The following EDA variants were observed in gnomAD, a reference collection of about 807,000 sequenced individuals.
EDA encodes the protein ectodysplasin A.
A neutral mutation model predicts 23.6 loss-of-function variants in EDA; 2 were observed. That is an observed-to-expected ratio of 0.08 (90% CI 0.03 to 0.27). The LOEUF is 0.27. EDA is among the 10% of genes least tolerant of loss of function. The pLI, the probability that EDA is intolerant of heterozygous loss-of-function variation, is 1.00. For missense variants in EDA, 229 were observed against 324.2 expected, an observed-to-expected ratio of 0.71 and a Z score of 2.26; for synonymous variants, 131 against 132.0, an observed-to-expected ratio of 0.99 and a Z score of 0.05.
At chrX:69,838,687 C>T (rs751074463) in intron 1 of EDA, among the ~76,000 whole-genome samples, 4 of 112,625 alleles carry the variant, frequency 3.6e-5, no homozygotes, top group Non-Finnish European at 5.6e-5. Context: ...GGTCCTGCTA[C>T]AGCACATTTC....
intron 6 of EDA, among the ~76,000 whole-genome samples, chrX:70,031,890 A>G (rs770279278): frequency 8.9e-6 from 1 of 112,452 alleles, no homozygotes; most frequent in African/African-American, 3.2e-5. Flanking sequence ...TCCCACTGCC[A>G]CATAATAAGA....
At chrX:69,746,311 A>C (rs1009759581) in intron 1 of EDA, among the ~76,000 whole-genome samples, 1 of 111,684 alleles carries the variant, frequency 9.0e-6, no homozygotes, top group Non-Finnish European at 1.9e-5. Flanking sequence ...CCATTAGTGA[A>C]ATCATACTCA....
intron 1 of EDA, among the ~76,000 whole-genome samples, chrX:69,844,933 A>AAGACCC (rs1222625055): frequency 2.6e-4 from 29 of 112,059 alleles, no homozygotes; most frequent in African/African-American, 8.4e-4. Flanking sequence ...CTTAAATTTG[A>AAGACCC]TTCTTGTGGA....
intron 1 of EDA, among the ~76,000 whole-genome samples, chrX:69,832,818 A>T (rs1414957225): frequency 1.8e-5 from 2 of 111,500 alleles, no homozygotes; most frequent in Non-Finnish European, 3.8e-5. Flanking sequence ...ATGGGAATTC[A>T]TTCATGATTT....
chrX:69,843,655 C>A (rs1356241245), intron 1 of EDA, among the ~76,000 whole-genome samples: 2 of 110,803 alleles, frequency 1.8e-5, no homozygotes, highest in African/African-American at 6.6e-5. Context: ...GTAAGACTTG[C>A]CCTACTTACT....
chrX:69,937,042 C>T (rs1602547881), intron 1 of EDA: 2 of 448,352 alleles, frequency 4.5e-6, no homozygotes, highest in Non-Finnish European at 7.7e-6. Context: ...TAAAATGGGC[C>T]ATGAAAGGGC....
At chrX:69,695,372 TATG>T (rs1283274465) in intron 1 of EDA, among the ~76,000 whole-genome samples, 2 of 110,896 alleles carry the variant, frequency 1.8e-5, no homozygotes, top group Non-Finnish European at 1.9e-5. Flanking sequence ...TTGGTCAAAA[TATG>T]ATAAGTGACT....
At chrX:69,750,829 A>T (rs959770537) in intron 1 of EDA, among the ~76,000 whole-genome samples, 3 of 111,695 alleles carry the variant, frequency 2.7e-5, no homozygotes, top group African/African-American at 9.8e-5. Flanking sequence ...TTCTTTTGAG[A>T]AGTGTCTGTT....
chrX:69,695,089 G>A (rs889307901), intron 1 of EDA, among the ~76,000 whole-genome samples: 44 of 111,877 alleles, frequency 3.9e-4, no homozygotes, highest in African/African-American at 1.4e-3. Flanking sequence ...GGAGGCCAAG[G>A]CAGGTGGATT....
intron 1 of EDA, among the ~76,000 whole-genome samples, chrX:69,951,380 A>G (rs2018924243): frequency 9.0e-6 from 1 of 110,877 alleles, no homozygotes; most frequent in Admixed American, 9.6e-5. Context: ...CAGAACTGTG[A>G]GAAAATAAAT....
At chrX:70,011,495 T>C (rs1393945169) in intron 2 of EDA, among the ~76,000 whole-genome samples, 4 of 110,833 alleles carry the variant, frequency 3.6e-5, no homozygotes, top group African/African-American at 1.3e-4. Flanking sequence ...CATGCCTGGC[T>C]AATTTTTGTA....
chrX:69,626,341 A>G (rs1473452863), intron 1 of EDA, among the ~76,000 whole-genome samples: 2 of 112,226 alleles, frequency 1.8e-5, no homozygotes, highest in East Asian at 5.6e-4. Context: ...ATGTTCACAC[A>G]AAAGCCTCTA....
chrX:70,033,192 G>T (rs2020222376), intron 6 of EDA, among the ~76,000 whole-genome samples: 1 of 112,967 alleles, frequency 8.9e-6, no homozygotes, highest in Non-Finnish European at 1.9e-5. Flanking sequence ...GACAGGCAGA[G>T]CCCAGGAGCC....
intron 1 of EDA, among the ~76,000 whole-genome samples, chrX:69,792,161 T>C (rs1319052112): frequency 8.1e-5 from 9 of 111,254 alleles, no homozygotes; most frequent in Non-Finnish European, 1.3e-4. Context: ...ATCATTCTTA[T>C]GCCTTTGCCT....
chrX:69,681,228 G>C (rs1287374720), intron 1 of EDA, among the ~76,000 whole-genome samples: 1 of 110,611 alleles, frequency 9.0e-6, no homozygotes, highest in Non-Finnish European at 1.9e-5. Flanking sequence ...AGGGTAACCC[G>C]ACCTTTCTCT....
At chrX:69,750,816 G>T (rs768278369) in intron 1 of EDA, among the ~76,000 whole-genome samples, 3 of 112,112 alleles carry the variant, frequency 2.7e-5, no homozygotes, top group African/African-American at 9.7e-5. Context: ...CTGCATAAAT[G>T]TCTTCTTTTG....
intron 1 of EDA, among the ~76,000 whole-genome samples, chrX:69,795,906 C>T (rs1340967040): frequency 8.9e-6 from 1 of 112,001 alleles, no homozygotes; most frequent in African/African-American, 3.2e-5. Flanking sequence ...AGTCCAGGGA[C>T]CAGGGGATTG....
chrX:69,965,036 A>G lies in EDA; in HGVS notation c.502+7904A>G, dbSNP rs368652462. On this transcript the variant is annotated intron_variant, in intron 2 of 7. Transcript: ENST00000374552. ...ACCCTAATCAAACTCACTGTGGATG[A>G]TTTCAATACAGTGTAGTGACCATAT... 3.6e-5 allele frequency among the ~76,000 whole-genome samples: 4 copies of G among 112,024 alleles called. No individual in the cohort carries two copies. The South Asian group carries it at 1.5e-3, about 42-fold the overall frequency.
intron 1 of EDA, among the ~76,000 whole-genome samples, chrX:69,894,819 G>C (rs1424608687): frequency 9.0e-6 from 1 of 111,565 alleles, no homozygotes; most frequent in African/African-American, 3.3e-5. Flanking sequence ...GAGACTATGG[G>C]GTTTTCTAGG....
Sources: gnomAD v4.1 joint callset for allele counts (sites outside exome capture counted in the v4.1 genomes callset) on GRCh38, gnomAD v4.1.1 for gene constraint, MANE v1.5 for transcripts, NCBI Gene and HGNC (gene_info 2026-07-23, HGNC 2026-07-21) for gene names.